Variants in ZNF487 observed in about 807,000 individuals in gnomAD.
The protein encoded by ZNF487 is KRAB domain only 1.
ZNF487 carries 4 observed loss-of-function variants against 3.0 expected under a neutral mutation model. The observed-to-expected ratio is 1.35, with a 90% CI of 0.66 to 3.08. The LOEUF (loss-of-function observed/expected upper bound fraction) is 3.08, where lower values mean the gene tolerates loss of function less well. Ranked by LOEUF, ZNF487 falls within the 30% of genes most tolerant of loss-of-function variation. The probability of loss-of-function intolerance (pLI) is 0.01; values close to 1 mark genes in which losing one functional copy is unlikely to be tolerated. For missense variants in ZNF487, 146 were observed against 98.7 expected, an observed-to-expected ratio of 1.48 and a Z score of -2.03; for synonymous variants, 55 against 34.6, an observed-to-expected ratio of 1.59 and a Z score of -2.06.
the ZNF487 span, among the ~76,000 whole-genome samples, chr10:43,515,172 C>T: frequency 6.6e-6 from 1 of 152,176 alleles, no homozygotes; most frequent in African/African-American, 2.4e-5. Flanking sequence ...CATTCCCATG[C>T]CTGTTCTGCA....
chr10:43,468,679 CAAAA>C lies in ZNF487; in HGVS notation c.-93-7020_-93-7017del, dbSNP rs71016773. On this transcript the variant is annotated intron_variant, in intron 1 of 3. Transcript: ENST00000437590. The stretch of plus-strand genomic sequence containing the variant: ...GGGCACCAAGAGTGAAACTCTGTCT[CAAAA>C]AAAAAAAAAAAAAAAAAAAAAGGCC... Among the ~76,000 whole-genome samples the C allele has an allele frequency of 6.9e-4, 25 of 36,040 alleles. No homozygotes were observed. The South Asian group carries it at 7.5e-3, about 11-fold the overall frequency. 23.6% of individuals were successfully genotyped at this position (36,040 alleles called of 152,430 possible).
chr10:43,466,877 A>C (rs1589041915), intron 1 of ZNF487, among the ~76,000 whole-genome samples: 1 of 149,586 alleles, frequency 6.7e-6, no homozygotes, highest in East Asian at 2.0e-4. Flanking sequence ...TCAAGGAGTA[A>C]TTTTTTTTTT....
At chr10:43,442,652 C>T (rs1374353563) in intron 1 of ZNF487, among the ~76,000 whole-genome samples, 1 of 152,088 alleles carries the variant, frequency 6.6e-6, no homozygotes, top group Admixed American at 6.6e-5. Flanking sequence ...ACCATCTTGG[C>T]CAGGCTGGTC....
the ZNF487 span, among the ~76,000 whole-genome samples, chr10:43,521,351 A>T: frequency 6.6e-6 from 1 of 152,298 alleles, no homozygotes; most frequent in East Asian, 1.9e-4. Flanking sequence ...TTTAACACAC[A>T]TATATTCTCC....
chr10:43,467,749 A>C (rs1222206713), intron 1 of ZNF487, among the ~76,000 whole-genome samples: 1 of 151,332 alleles, frequency 6.6e-6, no homozygotes, highest in Non-Finnish European at 1.5e-5. Flanking sequence ...CCTGGGAGGC[A>C]GAGGTTGCAG....
At chr10:43,468,094 A>T (rs1284104889) in intron 1 of ZNF487, among the ~76,000 whole-genome samples, 8 of 152,202 alleles carry the variant, frequency 5.3e-5, no homozygotes, top group African/African-American at 1.9e-4. Context: ...CATAACTAGA[A>T]TTAGAAGTGG....
chr10:43,519,302 C>T, the ZNF487 span, among the ~76,000 whole-genome samples: 3 of 152,102 alleles, frequency 2.0e-5, no homozygotes, highest in Non-Finnish European at 2.9e-5. Context: ...CTACTGACAT[C>T]ACCCACAAGC....
chr10:43,514,283 G>T, the ZNF487 span, among the ~76,000 whole-genome samples: 1 of 152,118 alleles, frequency 6.6e-6, no homozygotes, highest in African/African-American at 2.4e-5. Flanking sequence ...TGGGATTACA[G>T]GTTTGTGCCA....
chr10:43,492,396 G>A, the ZNF487 span, among the ~76,000 whole-genome samples: 1 of 151,484 alleles, frequency 6.6e-6, no homozygotes, highest in Non-Finnish European at 1.5e-5. Flanking sequence ...GTTTCACATA[G>A]GTACTACCAG....
upstream of ZNF487, chr10:43,436,885 C>G: frequency 2.1e-6 from 1 of 469,314 alleles, no homozygotes; most frequent in South Asian, 1.6e-5. Flanking sequence ...CAGCGACCTT[C>G]GCTTTCGTGG....
intron 1 of ZNF487, among the ~76,000 whole-genome samples, chr10:43,443,754 C>T (rs1337490162): frequency 6.6e-6 from 1 of 151,796 alleles, no homozygotes; most frequent in Non-Finnish European, 1.5e-5. Context: ...AACTCCTAGC[C>T]TCAAGCAATT....
At chr10:43,439,972 T>G (rs1184458349) in intron 1 of ZNF487, among the ~76,000 whole-genome samples, 2 of 151,990 alleles carry the variant, frequency 1.3e-5, no homozygotes, top group African/African-American at 2.4e-5. Flanking sequence ...GAGATCTGTT[T>G]CACAACAATG....
the ZNF487 span, among the ~76,000 whole-genome samples, chr10:43,505,122 C>T: frequency 7.9e-5 from 12 of 152,032 alleles, no homozygotes; most frequent in Admixed American, 2.0e-4. Context: ...TGGGCTCAAG[C>T]GTTCCTCCTG....
downstream of ZNF487, among the ~76,000 whole-genome samples, chr10:43,486,382 C>T (rs1015383745): frequency 5.9e-5 from 9 of 152,196 alleles, no homozygotes; most frequent in African/African-American, 1.9e-4. Context: ...CAAAATTAGC[C>T]TGGCTTGGTG....
intron 1 of ZNF487, among the ~76,000 whole-genome samples, chr10:43,449,151 T>C (rs942140886): frequency 1.3e-5 from 2 of 151,916 alleles, no homozygotes; most frequent in Non-Finnish European, 2.9e-5. Flanking sequence ...TACAAAAAAT[T>C]AGCAGGGCAT....
chr10:43,479,956 CTCTT>C (rs1165448381), intron 3 of ZNF487, among the ~76,000 whole-genome samples: 4,327 of 56,006 alleles, frequency 0.077, 171 homozygotes, highest in South Asian at 0.21. Context: ...GCACCTGACT[CTCTT>C]TCTTTCTTTC....
chr10:43,480,093 CT>C (rs1216016785), intron 3 of ZNF487, among the ~76,000 whole-genome samples: 1 of 124,246 alleles, frequency 8.0e-6, no homozygotes, highest in Non-Finnish European at 1.7e-5. Flanking sequence ...TCTTTCTTTT[CT>C]TTTCTTTTCT....
At chr10:43,521,799 C>A in the ZNF487 span, among the ~76,000 whole-genome samples, 1 of 151,904 alleles carries the variant, frequency 6.6e-6, no homozygotes. Context: ...AGAAACCAGA[C>A]ATGCTGAAAT....
At chr10:43,498,875 G>A in the ZNF487 span, among the ~76,000 whole-genome samples, 3 of 151,444 alleles carry the variant, frequency 2.0e-5, no homozygotes, top group African/African-American at 7.3e-5. Flanking sequence ...CTGGGAGGTG[G>A]AGCTTGTAGT....
Sources: gnomAD v4.1 joint callset for allele counts (sites outside exome capture counted in the v4.1 genomes callset) on GRCh38, gnomAD v4.1.1 for gene constraint, MANE v1.5 for transcripts, NCBI Gene and HGNC (gene_info 2026-07-23, HGNC 2026-07-21) for gene names.